RAD50: variants seen among roughly 807,000 people sequenced by gnomAD.
RAD50 encodes RAD50 double strand break repair protein.
In RAD50, 132 loss-of-function variants were observed where a neutral mutation model predicts 168.8. That is an observed-to-expected ratio of 0.78 (90% CI 0.68 to 0.90). The LOEUF (loss-of-function observed/expected upper bound fraction) is 0.90, where lower values mean the gene tolerates loss of function less well. RAD50 is among the 40% of genes least tolerant of loss of function. The pLI is 0.00. For synonymous variants in RAD50, 525 were observed against 497.4 expected, an observed-to-expected ratio of 1.06 and a Z score of -0.74; for missense variants, 1,347 against 1,534.4, an observed-to-expected ratio of 0.88 and a Z score of 2.04.
rs777056001 is a variant in RAD50, at chr5:132,595,757, G to A, written c.2154G>A (p.Glu718=). The part of the protein sequence containing the change: ...APDKLKSTES[E]LKKKEKRRDE... ...ATAAACTCAAGTCAACAGAATCAGA[G>A]CTAAAAAAAAAGGAAAAGCGGCGTG... The change falls in exon 13 of 25, where the codon GAG becomes GAA. Residue 718 remains glutamate (E), a synonymous_variant. Transcript: ENST00000378823. 6.2e-7 allele frequency: 1 copy of A among 1,613,450 alleles called. No homozygotes were observed. The highest frequency in any genetic ancestry group is 8.5e-7 in the Non-Finnish European group (1 of 1,179,762).
chr5:132,594,478 T>C (rs979903850), intron 11 of RAD50, among the ~76,000 whole-genome samples: 3 of 152,106 alleles, frequency 2.0e-5, no homozygotes, highest in African/African-American at 7.2e-5. Flanking sequence ...GAAACAGTAT[T>C]TACAGGAGAG....
At chr5:132,620,155 T>C (rs934591531) in intron 21 of RAD50, among the ~76,000 whole-genome samples, 10 of 152,282 alleles carry the variant, frequency 6.6e-5, no homozygotes, top group African/African-American at 2.2e-4. Context: ...TCCACCTGTA[T>C]TGGCCTCCCA....
At chr5:132,595,076 T>C in intron 12 of RAD50, 32 bp downstream of exon 12, 1 of 1,571,666 alleles carries the variant, frequency 6.4e-7, no homozygotes, top group Non-Finnish European at 8.7e-7. Flanking sequence ...ATCAGGATAC[T>C]TTGACACCTT....
chr5:132,583,204 T>C (rs563637901), intron 5 of RAD50, among the ~76,000 whole-genome samples: 5 of 152,302 alleles, frequency 3.3e-5, no homozygotes, highest in Admixed American at 2.0e-4. Flanking sequence ...GTTTACTGCC[T>C]AACACTAACC....
At chr5:132,602,568 A>C (rs1379332976) in intron 13 of RAD50, among the ~76,000 whole-genome samples, 1 of 152,074 alleles carries the variant, frequency 6.6e-6, no homozygotes, top group Non-Finnish European at 1.5e-5. Context: ...AATTTAAAAA[A>C]TTTTTATTTT....
intron 21 of RAD50, among the ~76,000 whole-genome samples, chr5:132,636,493 G>C (rs1270973543): frequency 6.6e-6 from 1 of 152,164 alleles, no homozygotes; most frequent in Non-Finnish European, 1.5e-5. Flanking sequence ...TGTCAGTTCA[G>C]CTTAAGCTTC....
intron 2 of RAD50, among the ~76,000 whole-genome samples, chr5:132,570,821 A>G (rs1461299761): frequency 3.3e-5 from 5 of 152,218 alleles, no homozygotes; most frequent in African/African-American, 1.2e-4. Flanking sequence ...AACTCAGCTA[A>G]CTGATGAAAG....
intron 21 of RAD50, among the ~76,000 whole-genome samples, chr5:132,633,383 G>A (rs1434774241): frequency 6.6e-6 from 1 of 151,952 alleles, no homozygotes; most frequent in Non-Finnish European, 1.5e-5. Context: ...GGGATTACAG[G>A]TGTGAGCCAC....
intron 22 of RAD50, 66 bp from the exon 23 acceptor site, chr5:132,638,015 A>ATGTT: frequency 6.5e-7 from 1 of 1,530,352 alleles, no homozygotes; most frequent in South Asian, 1.1e-5. Flanking sequence ...CTTACTTGAT[A>ATGTT]TGTTTGTAAA....
At chr5:132,576,237 T>G (rs1750398717) in intron 3 of RAD50, among the ~76,000 whole-genome samples, 1 of 152,188 alleles carries the variant, frequency 6.6e-6, no homozygotes, top group Admixed American at 6.5e-5. Context: ...TCCATTCTCT[T>G]GAGTAATTTC....
intron 11 of RAD50, chr5:132,592,784 A>G (rs1750726654): frequency 2.1e-6 from 1 of 470,340 alleles, no homozygotes; most frequent in African/African-American, 2.0e-5. Context: ...GTAAAGCCAC[A>G]TTCCATCACC....
chr5:132,609,009 G>A (rs1751035175), intron 17 of RAD50, 108 bp from the exon 18 acceptor site: 15 of 1,479,082 alleles, frequency 1.0e-5, no homozygotes, highest in African/African-American at 1.4e-5. Context: ...AGTAGTGGTG[G>A]AAACTGGAAC....
rs1554098425 is a variant in RAD50 at position 132,591,389 on chromosome 5, A to G, written c.1618A>G (p.Met540Val). 1 of 1,613,772 alleles carries G rather than the reference A, an allele frequency of 6.2e-7. No homozygotes were observed. The highest frequency in any genetic ancestry group is 8.5e-7 in the Non-Finnish European group (1 of 1,179,804). Residue 540 changes from methionine (M) to valine (V), a missense_variant, in exon 10 of 25, where the codon ATG becomes GTG. Met to Val is a conservative substitution (Grantham distance 21). Transcript: ENST00000378823. The part of the protein sequence containing the change: ...HHTTTRTQME[M>V]LTKDKADKDE... ...TACAACAACACGTACCCAAATGGAGATGCTGACCAAAGACAAAGTATGATT... is the reference window on the plus strand; with the variant it reads ...TACAACAACACGTACCCAAATGGAGGTGCTGACCAAAGACAAAGTATGATT...
At chr5:132,578,255 A>G (rs1215732268) in intron 3 of RAD50, among the ~76,000 whole-genome samples, 1 of 152,348 alleles carries the variant, frequency 6.6e-6, no homozygotes, top group East Asian at 1.9e-4. Context: ...ACCTTGGTGA[A>G]TGATACCACT....
intron 1 of RAD50, 46 bp downstream of exon 1, chr5:132,557,499 T>G: frequency 6.2e-7 from 1 of 1,611,356 alleles, no homozygotes; most frequent in Non-Finnish European, 8.5e-7. Flanking sequence ...GCTACATCTT[T>G]CGGAGAATAA....
chr5:132,642,611 G>T lies in RAD50; in HGVS notation c.*247G>T, dbSNP rs949688296. On this transcript the variant is annotated 3_prime_UTR_variant, in exon 25 of 25. Transcript: ENST00000378823. Reference sequence around the variant, plus strand: ...AGGCAGCCTCTGTCAGGCCTTCAGGGTTCAGCAGTACAGCCGAGACTCGAC... The same window carrying T: ...AGGCAGCCTCTGTCAGGCCTTCAGGTTTCAGCAGTACAGCCGAGACTCGAC... 5.5e-6 allele frequency: 3 copies of T among 550,174 alleles called. No homozygotes were observed. The highest frequency in any genetic ancestry group is 3.1e-5 in the Admixed American group (1 of 31,772). 34.1% of individuals were successfully genotyped at this position (550,174 alleles called of 1,614,324 possible).
chr5:132,621,837 T>G (rs1264898261), intron 21 of RAD50, among the ~76,000 whole-genome samples: 2 of 152,230 alleles, frequency 1.3e-5, no homozygotes, highest in African/African-American at 4.8e-5. Context: ...AGACTCAGCT[T>G]TAGTTCTTCT....
At chr5:132,631,690 A>G (rs76791696) in intron 21 of RAD50, among the ~76,000 whole-genome samples, 6,218 of 152,234 alleles carry the variant, frequency 0.041, 353 homozygotes, top group African/African-American at 0.13. Flanking sequence ...TAATTGGGCC[A>G]CTATATGTCA....
intron 15 of RAD50, 140 bp from the exon 16 acceptor site, chr5:132,604,666 A>G (rs558920036): frequency 2.8e-6 from 2 of 719,644 alleles, no homozygotes; most frequent in East Asian, 5.4e-5. Flanking sequence ...CAGGGTTCTC[A>G]TTGTATTTTT....
Sources: gnomAD v4.1 joint callset for allele counts (sites outside exome capture counted in the v4.1 genomes callset) on GRCh38, gnomAD v4.1.1 for gene constraint, MANE v1.5 for transcripts, NCBI Gene and HGNC (gene_info 2026-07-23, HGNC 2026-07-21) for gene names.